The following FXYD4 variants were observed in gnomAD, a reference collection of about 807,000 sequenced individuals.
FXYD4 encodes the protein FXYD domain-containing ion transport regulator 4.
FXYD4 carries 14 observed loss-of-function variants against 18.3 expected under a neutral mutation model. The ratio of observed to expected loss-of-function variants is 0.77; its 90% confidence interval spans 0.51 to 1.20. The LOEUF (loss-of-function observed/expected upper bound fraction) is 1.20, where lower values mean the gene tolerates loss of function less well. Among genes scored for constraint, FXYD4 ranks in the 50% most tolerant of loss-of-function variants. FXYD4 has a pLI of 0.00. For synonymous variants in FXYD4, 40 were observed against 40.5 expected (o/e 0.99, Z 0.04); for missense variants, 99 against 106.1 (o/e 0.93, Z 0.29).
In FXYD4 at chr10:43,376,133, G is replaced by A. The variant is rs749470070; in HGVS notation, c.251-14G>A. On this transcript the variant is annotated splice_polypyrimidine_tract_variant and intron_variant, in intron 8 of 8. Transcript: ENST00000476166. ...AAGGACTGTGTCTGATGGCCTGCCC[G>A]CCACTCTCCGCAGGCTCTGCCACTA... 6.2e-6 allele frequency: 10 copies of A among 1,613,922 alleles called. No homozygotes were observed. The highest frequency in any genetic ancestry group is 1.7e-5 in the Admixed American group (1 of 60,012).
chr10:43,375,753 T>C lies in FXYD4; in HGVS notation c.212+19T>C. 1 of 1,613,388 alleles carries C rather than the reference T, an allele frequency of 6.2e-7. No homozygotes were observed. Among genetic ancestry groups the C allele is most frequent in the Non-Finnish European group, 8.5e-7 (1 of 1,179,336 alleles). On this transcript the variant is annotated intron_variant, in intron 7 of 8. Transcript: ENST00000476166. Reference sequence around the variant, plus strand: ...AGCACAGGTGAGCCTGACCCTATGGTGCCCTCCTCCTTCGGGGCAGAACTA... The same window carrying C: ...AGCACAGGTGAGCCTGACCCTATGGCGCCCTCCTCCTTCGGGGCAGAACTA...
chr10:43,375,698 G>A lies in FXYD4; in HGVS notation c.176G>A (p.Gly59Asp), dbSNP rs776852349. Residue 59 changes from glycine (G) to aspartate (D), a missense_variant, in exon 7 of 9, where the codon GGC becomes GAC. By Grantham distance (94) the Gly-to-Asp change is moderately conservative. Transcript: ENST00000476166. ...CTGACCCCTCTCTCTCTCCCAGGTG[G>A]CAAATGCAAATGCAAGAGCAGCCAG... ...AIAGIAAVLS[G>D]KCKCKSSQKQ... 1.9e-6 allele frequency: 3 copies of A among 1,614,078 alleles called. No individual in the cohort carries two copies. The highest frequency in any genetic ancestry group is 2.5e-6 in the Non-Finnish European group (3 of 1,179,962).
chr10:43,373,433 A>G (rs1272128608), intron 2 of FXYD4, 82 bp from the exon 3 acceptor site: 4 of 394,244 alleles, frequency 1.0e-5, no homozygotes, highest in Non-Finnish European at 1.8e-5. Context: ...GATTTTAACA[A>G]CGCCTTCTAC....
At position 43,373,685 on chromosome 10, in the gene FXYD4, G is replaced by A. The variant is rs747542762; in HGVS notation, c.-62G>A. On this transcript the variant is annotated 5_prime_UTR_variant, in exon 3 of 9. The change creates a new upstream start codon in the 5' untranslated region. Transcript: ENST00000476166. ...TGAGCTGTGAGCCTGGAGCAGATCC[G>A]TGGGCTGCAGACCCCCGCCCCAGTG... The A allele has an allele frequency of 2.1e-5, 20 of 948,364 alleles. No homozygotes were observed. Among genetic ancestry groups the A allele is most frequent in the Middle Eastern group, 4.2e-4 (2 of 4,818 alleles). The allele number at this position is 948,364 out of a possible 1,614,324, so 58.7% of individuals were successfully genotyped here.
At chr10:43,375,672 G>A (rs191157760) in intron 6 of FXYD4, 23 bp from the exon 7 acceptor site, 313 of 1,613,832 alleles carry the variant, frequency 1.9e-4, no homozygotes, top group African/African-American at 3.7e-4. Context: ...TGACCCTGGC[G>A]CTGACCCCTC....
rs773690374 is a variant in FXYD4 at position 43,374,487 on chromosome 10, G to A, written c.55G>A (p.Ala19Thr). The A allele has an allele frequency of 1.9e-6, 3 of 1,614,048 alleles. No individual in the cohort carries two copies. In the South Asian group the frequency reaches 3.3e-5, roughly 18 times the overall value. Residue 19 changes from alanine (A) to threonine (T), a missense_variant, in exon 4 of 9, where the codon GCC becomes ACC. Physicochemically the swap from Ala to Thr is moderately conservative, Grantham distance 58. Transcript: ENST00000476166. ...CCACACAGGCCTGACTGCCTTGGAA[G>A]CCAATGACCCATTTGGTGAGTGAGG... ...LLLAGLTALE[A>T]NDPFANKDDP...
At chr10:43,372,143 G>A (rs1837815364) in intron 1 of FXYD4, among the ~76,000 whole-genome samples, 1 of 152,002 alleles carries the variant, frequency 6.6e-6, no homozygotes, top group Admixed American at 6.6e-5. Flanking sequence ...GGTGAAGGTA[G>A]AGAGACCAGT....
chr10:43,373,513 A>C lies in FXYD4; in HGVS notation c.-232-2A>C. On this transcript the variant is annotated splice_acceptor_variant, in intron 2 of 8. Transcript: ENST00000476166. LOFTEE classifies it low-confidence loss of function (5UTR_SPLICE). ...CTTACTCAATCCACACAACTCCCCC[A>C]GGCCACCACCATCTCTAGATGGGAA... is the stretch of plus-strand genomic sequence containing the variant. 1.7e-6 allele frequency: 1 copy of C among 579,130 alleles called. No homozygotes were observed. Among genetic ancestry groups the C allele is most frequent in the East Asian group, 2.8e-5 (1 of 35,636 alleles). The allele number at this position is 579,130 out of a possible 1,614,324, so 35.9% of individuals were successfully genotyped here.
intron 7 of FXYD4, 57 bp from the exon 8 acceptor site, chr10:43,375,975 A>G: frequency 6.4e-7 from 1 of 1,571,132 alleles, no homozygotes; most frequent in South Asian, 1.1e-5. Flanking sequence ...TCTGGGATAT[A>G]GGGGAGAAGG....
intron 7 of FXYD4, 40 bp from the exon 8 acceptor site, chr10:43,375,992 A>C: frequency 6.2e-7 from 1 of 1,610,062 alleles, no homozygotes; most frequent in Non-Finnish European, 8.5e-7. Context: ...AAGGTCCTCC[A>C]GGCTAACCTG....
At chr10:43,372,571 C>T (rs1294777030) in intron 1 of FXYD4, among the ~76,000 whole-genome samples, 156 bp from the exon 2 acceptor site, 1 of 152,200 alleles carries the variant, frequency 6.6e-6, no homozygotes, top group African/African-American at 2.4e-5. Context: ...AGGTGTGAGC[C>T]ACTGCGCCCG....
At chr10:43,372,952 C>T (rs1278577258) in intron 2 of FXYD4, among the ~76,000 whole-genome samples, 180 bp downstream of exon 2, 1 of 152,142 alleles carries the variant, frequency 6.6e-6, no homozygotes, top group African/African-American at 2.4e-5. Context: ...CTCAGCCTCC[C>T]TAAGGACAAG....
chr10:43,376,227 C>G lies in FXYD4; in HGVS notation c.*61C>G. The G allele has an allele frequency of 2.5e-6, 4 of 1,575,688 alleles. No homozygotes were observed. In the South Asian group the frequency reaches 4.4e-5, roughly 17 times the overall value. ...AACACTGGCCCCCAGCACCTCCTCC[C>G]CTGGGAGGCCTTATCCTCAAGGAAG... On this transcript the variant is annotated 3_prime_UTR_variant, in exon 9 of 9. Coordinates refer to ENST00000476166, the MANE Select transcript of FXYD4 (RefSeq NM_173160.3).
chr10:43,373,354 C>A (rs1398203186), intron 2 of FXYD4, 161 bp from the exon 3 acceptor site: 2 of 184,646 alleles, frequency 1.1e-5, no homozygotes, highest in Non-Finnish European at 2.2e-5. Flanking sequence ...TTTTTTTTTT[C>A]TTCTCTGAAA....
Position 43,373,546 on chromosome 10 carries a change from A to G in FXYD4, c.-201A>G, listed in dbSNP as rs1249485906. On this transcript the variant is annotated 5_prime_UTR_variant, in exon 3 of 9. Coordinates refer to ENST00000476166, the MANE Select transcript of FXYD4 (RefSeq NM_173160.3). ...ACCATCTCTAGATGGGAAGACAGAA[A>G]GTAGTTACTTTCCCAAGATCTCCCC... The G allele has an allele frequency of 3.4e-6, 2 of 594,890 alleles. No individual in the cohort carries two copies. Among genetic ancestry groups the G allele is most frequent in the African/African-American group, 3.7e-5 (2 of 54,006 alleles). The allele number at this position is 594,890 out of a possible 1,614,324, so 36.9% of individuals were successfully genotyped here.
chr10:43,372,061 G>GTAA (rs1255436846), intron 1 of FXYD4, among the ~76,000 whole-genome samples: 10 of 148,888 alleles, frequency 6.7e-5, no homozygotes, highest in East Asian at 5.9e-4. Flanking sequence ...AAAAAAAATA[G>GTAA]TAATAATAAT....
chr10:43,374,598 C>A lies in FXYD4; in HGVS notation c.71-15C>A. The A allele has an allele frequency of 6.2e-7, 1 of 1,613,320 alleles. No individual in the cohort carries two copies. The highest frequency in any genetic ancestry group is 8.5e-7 in the Non-Finnish European group (1 of 1,179,244). On this transcript the variant is annotated splice_polypyrimidine_tract_variant and intron_variant, in intron 4 of 8. Coordinates refer to ENST00000476166, the MANE Select transcript of FXYD4 (RefSeq NM_173160.3). Reference sequence around the variant, plus strand: ...TGGTTCTGGTTCTGAAGTCTTTTTGCCCCACTTTTTCTAGCCAATAAAGAC... The same window carrying A: ...TGGTTCTGGTTCTGAAGTCTTTTTGACCCACTTTTTCTAGCCAATAAAGAC...
At chr10:43,375,093 C>CTCGG (rs1176490214) in intron 5 of FXYD4, among the ~76,000 whole-genome samples, 26 of 134,988 alleles carry the variant, frequency 1.9e-4, no homozygotes, top group Non-Finnish European at 2.4e-4. Flanking sequence ...GTGGCATGAT[C>CTCGG]TCGGGTCACT....
chr10:43,373,882 C>T (rs2131947934), intron 3 of FXYD4, 99 bp downstream of exon 3: 1 of 829,466 alleles, frequency 1.2e-6, no homozygotes, highest in Non-Finnish European at 2.1e-6. Flanking sequence ...GGTGTTCAAT[C>T]AGCATGCTTT....
Sources: allele counts gnomAD v4.1 joint callset (sites outside exome capture counted in the v4.1 genomes callset), GRCh38; gene constraint gnomAD v4.1.1; transcripts MANE v1.5; gene names NCBI Gene and HGNC (gene_info 2026-07-23, HGNC 2026-07-21).